The following RBFOX3 variants were observed in gnomAD, a reference collection of about 807,000 sequenced individuals.
RBFOX3 encodes the protein RNA binding fox-1 homolog 3.
In RBFOX3, 17 loss-of-function variants were observed where a neutral mutation model predicts 48.7. That is an observed-to-expected ratio of 0.35 (90% CI 0.24 to 0.52). The LOEUF (loss-of-function observed/expected upper bound fraction) is 0.52, where lower values mean the gene tolerates loss of function less well. Ranked by LOEUF, RBFOX3 falls within the 20% of genes least tolerant of loss-of-function variation. The pLI is 0.94. For synonymous variants in RBFOX3, 212 were observed against 209.5 expected (o/e 1.01, Z -0.10); for missense variants, 382 against 497.5 (o/e 0.77, Z 2.21).
At chr17:79,289,594 C>A (rs1398327735) in intron 3 of RBFOX3, among the ~76,000 whole-genome samples, 1 of 152,236 alleles carries the variant, frequency 6.6e-6, no homozygotes, top group African/African-American at 2.4e-5. Context: ...TTTCCAGACA[C>A]GATGTTAACT....
chr17:79,631,551 G>A, the RBFOX3 span, among the ~76,000 whole-genome samples: 3 of 152,126 alleles, frequency 2.0e-5, no homozygotes, highest in East Asian at 1.9e-4. Flanking sequence ...GACCGGCCAG[G>A]GCTGACCACA....
At chr17:79,124,495 T>C (rs12937891) in intron 4 of RBFOX3, among the ~76,000 whole-genome samples, 1 of 152,116 alleles carries the variant, frequency 6.6e-6, no homozygotes, top group Non-Finnish European at 1.5e-5. Flanking sequence ...AGAGGATTTC[T>C]GGTACCACAG....
chr17:79,636,140 T>C, the RBFOX3 span, among the ~76,000 whole-genome samples: 1 of 152,110 alleles, frequency 6.6e-6, no homozygotes, highest in Admixed American at 6.5e-5. Flanking sequence ...GGAAATATAC[T>C]ATAGGGTGAG....
At position 79,421,026 on chromosome 17, in the gene RBFOX3, G is replaced by A. The variant is rs1377074060; in HGVS notation, c.-175+61428C>T. 1.3e-5 allele frequency among the ~76,000 whole-genome samples: 2 copies of A among 151,736 alleles called. No homozygotes were observed. The highest frequency in any genetic ancestry group is 6.6e-5 in the Admixed American group (1 of 15,246). Reference sequence around the variant, plus strand: ...CTGCTGAGTGAGCCTCCCCTGGTGGGTTGAGGGGCTTCCCTACTGGGTGAG... The same window carrying A: ...CTGCTGAGTGAGCCTCCCCTGGTGGATTGAGGGGCTTCCCTACTGGGTGAG... On this transcript the variant is annotated intron_variant, in intron 2 of 14. Transcript: ENST00000693108. The surrounding 1 kb of genome is among the most constrained non-coding windows in gnomAD (Gnocchi z 4.5).
intron 4 of RBFOX3, among the ~76,000 whole-genome samples, chr17:79,127,147 A>C (rs2703546): frequency 0.21 from 31,519 of 152,168 alleles, 3,413 homozygotes; most frequent in Middle Eastern, 0.25. Context: ...AATCCGGGCC[A>C]GCCTTCCAAA....
chr17:79,106,539 G>A, intron 6 of RBFOX3, 112 bp downstream of exon 6: 2 of 1,311,892 alleles, frequency 1.5e-6, no homozygotes, highest in Non-Finnish European at 2.0e-6. Context: ...TGCGCAGTGG[G>A]AGGCAGGAAA....
intron 2 of RBFOX3, among the ~76,000 whole-genome samples, chr17:79,414,606 T>C (rs567754707): frequency 6.6e-6 from 1 of 152,192 alleles, no homozygotes; most frequent in Non-Finnish European, 1.5e-5. Flanking sequence ...TCTGTTCGCC[T>C]GCCTGCCTGC....
At chr17:79,107,053 T>C (rs1474536754) in intron 5 of RBFOX3, among the ~76,000 whole-genome samples, 2 of 152,228 alleles carry the variant, frequency 1.3e-5, no homozygotes, top group South Asian at 2.1e-4. Context: ...GCCATCCCAG[T>C]GCAAGGCCTC....
chr17:79,214,294 T>C lies in RBFOX3; in HGVS notation c.-34+21472A>G, dbSNP rs1367673453. On this transcript the variant is annotated intron_variant, in intron 4 of 14. Coordinates refer to ENST00000693108, the MANE Select transcript of RBFOX3 (RefSeq NM_001350451.2). The surrounding 1 kb of genome is among the most constrained non-coding windows in gnomAD (Gnocchi z 4.7). ...TGGTTGCCGGCATGAAAAAACACTT[T>C]GCTTAATGATTTTTAATAAAAATCA... is the stretch of plus-strand genomic sequence containing the variant. Among the ~76,000 whole-genome samples the C allele has an allele frequency of 6.6e-6, 1 of 152,152 alleles. No homozygotes were observed. Among genetic ancestry groups the C allele is most frequent in the African/African-American group, 2.4e-5 (1 of 41,426 alleles).
chr17:79,207,794 C>T (rs370181226), intron 4 of RBFOX3, among the ~76,000 whole-genome samples: 10 of 152,298 alleles, frequency 6.6e-5, no homozygotes, highest in East Asian at 3.9e-4. Flanking sequence ...CTCCAGGCAG[C>T]GCCTCCTGCA....
chr17:79,394,486 G>C (rs1419376052), intron 2 of RBFOX3, among the ~76,000 whole-genome samples: 1 of 152,156 alleles, frequency 6.6e-6, no homozygotes, highest in Non-Finnish European at 1.5e-5. Context: ...CCTAGTGCTT[G>C]GCCAAAAATG....
At chr17:79,101,681 G>A in intron 8 of RBFOX3, 37 bp from the exon 9 acceptor site, 1 of 1,539,634 alleles carries the variant, frequency 6.5e-7, no homozygotes, top group South Asian at 1.2e-5. Flanking sequence ...GAAGAGGGAG[G>A]ATTAGCCTCC....
At chr17:79,469,052 T>C (rs1034015571) in intron 2 of RBFOX3, among the ~76,000 whole-genome samples, 1 of 152,076 alleles carries the variant, frequency 6.6e-6, no homozygotes, top group African/African-American at 2.4e-5. Flanking sequence ...GACTGATTGA[T>C]TGACTGATCG....
chr17:79,261,803 G>A (rs544333795), intron 3 of RBFOX3, among the ~76,000 whole-genome samples: 7 of 152,188 alleles, frequency 4.6e-5, no homozygotes, highest in Non-Finnish European at 1.0e-4. Context: ...GTTCACACAA[G>A]AGGCCCCCAG....
intron 1 of RBFOX3, among the ~76,000 whole-genome samples, chr17:79,546,204 A>G (rs11871672): frequency 0.077 from 11,705 of 152,232 alleles, 532 homozygotes; most frequent in African/African-American, 0.13. Flanking sequence ...ACAACCATGT[A>G]GACCCATTCA....
rs1351105630 is a variant in RBFOX3 at position 79,243,715 on chromosome 17, C to A, written c.-73-7910G>T. ...GACAACACCCAAGCTGTGCCACAGA[C>A]ACCATAGTGTATCCTCCACCTGTCC... is the stretch of plus-strand genomic sequence containing the variant. On this transcript the variant is annotated intron_variant, in intron 3 of 14. Transcript: ENST00000693108. This position sits in a 1 kb window ranked among gnomAD's most constrained non-coding sequence, Gnocchi z 7.9. 6.6e-6 allele frequency among the ~76,000 whole-genome samples: 1 copy of A among 152,126 alleles called. No homozygotes were observed. The highest frequency in any genetic ancestry group is 1.5e-5 in the Non-Finnish European group (1 of 68,028).
At chr17:79,197,754 C>T (rs1302359816) in intron 4 of RBFOX3, among the ~76,000 whole-genome samples, 7 of 152,086 alleles carry the variant, frequency 4.6e-5, no homozygotes, top group African/African-American at 7.2e-5. Flanking sequence ...TGCAGATGGT[C>T]GGGGCTTGTG....
At chr17:79,501,740 T>C (rs1008763915) in intron 1 of RBFOX3, among the ~76,000 whole-genome samples, 9 of 152,370 alleles carry the variant, frequency 5.9e-5, no homozygotes, top group Middle Eastern at 3.4e-3. Flanking sequence ...TCACTGTCAA[T>C]AGGCTTCAAA....
chr17:79,392,825 T>G lies in RBFOX3; in HGVS notation c.-174-85001A>C, dbSNP rs1264166997. Among the ~76,000 whole-genome samples, 1 of 152,236 alleles carries G rather than the reference T, an allele frequency of 6.6e-6. No individual in the cohort carries two copies. The highest frequency in any genetic ancestry group is 6.5e-5 in the Admixed American group (1 of 15,278). On this transcript the variant is annotated intron_variant, in intron 2 of 14. Coordinates refer to ENST00000693108, the MANE Select transcript of RBFOX3 (RefSeq NM_001350451.2). The surrounding 1 kb of genome is among the most constrained non-coding windows in gnomAD (Gnocchi z 5.0). ...ATGTGGGGTTGTTTGTTACTGAGCA[T>G]AACCTGCTGCTGCTGACTGAGACAC...
Sources: allele counts gnomAD v4.1 joint callset (sites outside exome capture counted in the v4.1 genomes callset), GRCh38; gene constraint gnomAD v4.1.1; non-coding constraint Gnocchi (gnomAD v3.1); transcripts MANE v1.5; gene names NCBI Gene and HGNC (gene_info 2026-07-23, HGNC 2026-07-21).